Variants in LYPLAL1 observed in about 807,000 individuals in gnomAD.
The protein encoded by LYPLAL1 is lysophospholipase-like protein 1.
A neutral mutation model predicts 19.7 loss-of-function variants in LYPLAL1; 23 were observed. That is an observed-to-expected ratio of 1.17 (90% CI 0.84 to 1.65). LYPLAL1 has a LOEUF of 1.65. LYPLAL1 is among the 40% of genes most tolerant of loss of function. The pLI, the probability that LYPLAL1 is intolerant of heterozygous loss-of-function variation, is 0.00. For synonymous variants in LYPLAL1, 119 were observed against 96.3 expected, an observed-to-expected ratio of 1.24 and a Z score of -1.38; for missense variants, 355 against 279.4, an observed-to-expected ratio of 1.27 and a Z score of -1.93.
At chr1:219,283,378 G>A in the LYPLAL1 span, among the ~76,000 whole-genome samples, 2 of 152,196 alleles carry the variant, frequency 1.3e-5, no homozygotes, top group Non-Finnish European at 2.9e-5. Flanking sequence ...TATCGATGAA[G>A]AAATAGCAGT....
the LYPLAL1 span, among the ~76,000 whole-genome samples, chr1:219,402,611 A>C: frequency 6.6e-6 from 1 of 151,540 alleles, no homozygotes; most frequent in Non-Finnish European, 1.5e-5. Flanking sequence ...TTACTTGCTA[A>C]AATACCACTA....
chr1:219,313,404 C>T, the LYPLAL1 span, among the ~76,000 whole-genome samples: 1 of 152,198 alleles, frequency 6.6e-6, no homozygotes, highest in South Asian at 2.1e-4. Flanking sequence ...ACTCACAAGA[C>T]AGCTGCTCCT....
chr1:219,395,780 G>A, the LYPLAL1 span, among the ~76,000 whole-genome samples: 1 of 152,088 alleles, frequency 6.6e-6, no homozygotes, highest in Non-Finnish European at 1.5e-5. Context: ...GATCCATCTT[G>A]AGTTGATTTT....
chr1:219,304,694 C>G, the LYPLAL1 span, among the ~76,000 whole-genome samples: 1 of 152,148 alleles, frequency 6.6e-6, no homozygotes, highest in Non-Finnish European at 1.5e-5. Flanking sequence ...AGGCAGAAGT[C>G]CAAGGAGTGA....
At chr1:219,187,690 A>T (rs973104757) in intron 2 of LYPLAL1, among the ~76,000 whole-genome samples, 3 of 151,694 alleles carry the variant, frequency 2.0e-5, no homozygotes, top group Non-Finnish European at 4.4e-5. Flanking sequence ...TTTTCAGTAA[A>T]TATGTATTCT....
At chr1:219,185,564 A>G (rs1287805684) in intron 2 of LYPLAL1, among the ~76,000 whole-genome samples, 1 of 151,908 alleles carries the variant, frequency 6.6e-6, no homozygotes, top group Non-Finnish European at 1.5e-5. Context: ...CCCAAATAAT[A>G]ATAGTTTTGT....
chr1:219,225,629 C>T, the LYPLAL1 span: 1 of 152,256 alleles, frequency 6.6e-6, no homozygotes, highest in Non-Finnish European at 1.5e-5. Context: ...CTGGTTTCTC[C>T]TCTCTTCCAC....
chr1:219,410,560 A>G, the LYPLAL1 span, among the ~76,000 whole-genome samples: 1 of 152,200 alleles, frequency 6.6e-6, no homozygotes, highest in Non-Finnish European at 1.5e-5. Context: ...GCATTTGAGG[A>G]GCCCTTCAGT....
the LYPLAL1 span, among the ~76,000 whole-genome samples, chr1:219,312,385 T>C: frequency 6.6e-6 from 1 of 152,164 alleles, no homozygotes; most frequent in East Asian, 1.9e-4. Context: ...TGTGCCTCCT[T>C]TCCTCCTCTC....
chr1:219,429,632 G>A, the LYPLAL1 span, among the ~76,000 whole-genome samples: 1 of 152,238 alleles, frequency 6.6e-6, no homozygotes, highest in African/African-American at 2.4e-5. Context: ...AGTCCAGCCT[G>A]GGTGGCAGAG....
At chr1:219,412,150 G>A in the LYPLAL1 span, among the ~76,000 whole-genome samples, 2,881 of 152,140 alleles carry the variant, frequency 0.019, 67 homozygotes, top group Non-Finnish European at 0.021. Flanking sequence ...CTGGGCTCAA[G>A]GGATCCTCTT....
At chr1:219,347,864 A>T in the LYPLAL1 span, among the ~76,000 whole-genome samples, 1 of 147,934 alleles carries the variant, frequency 6.8e-6, no homozygotes, top group African/African-American at 2.6e-5. Context: ...GATGCACAGA[A>T]AAAAAAAAAA....
chr1:219,263,211 A>G, the LYPLAL1 span, among the ~76,000 whole-genome samples: 1 of 151,868 alleles, frequency 6.6e-6, no homozygotes, highest in Admixed American at 6.6e-5. Flanking sequence ...AGGCCAATGG[A>G]GTTATGTTTC....
the LYPLAL1 span, chr1:219,273,381 A>G: frequency 1.3e-5 from 2 of 152,232 alleles, no homozygotes; most frequent in Admixed American, 1.3e-4. Flanking sequence ...TTCATTCATA[A>G]TCAGAACCCT....
intron 4 of LYPLAL1, among the ~76,000 whole-genome samples, 154 bp downstream of exon 4, chr1:219,210,801 G>A (rs564952945): frequency 2.6e-5 from 4 of 152,220 alleles, no homozygotes; most frequent in African/African-American, 7.2e-5. Flanking sequence ...CAAATGAGTC[G>A]TAGTGATTAA....
chr1:219,406,234 C>T, the LYPLAL1 span, among the ~76,000 whole-genome samples: 2 of 152,302 alleles, frequency 1.3e-5, no homozygotes, highest in African/African-American at 4.8e-5. Context: ...GATTTTAATT[C>T]GCTAAATTTA....
At chr1:219,222,119 G>A in the LYPLAL1 span, 1 of 152,128 alleles carries the variant, frequency 6.6e-6, no homozygotes, top group Non-Finnish European at 1.5e-5. Flanking sequence ...CCTCTTGGGA[G>A]CAGGGAGATG....
the LYPLAL1 span, among the ~76,000 whole-genome samples, chr1:219,319,601 A>G: frequency 6.6e-6 from 1 of 152,140 alleles, no homozygotes; most frequent in Non-Finnish European, 1.5e-5. Flanking sequence ...TATGGGCAGA[A>G]ACCACCTGCC....
the LYPLAL1 span, among the ~76,000 whole-genome samples, chr1:219,220,632 A>G: frequency 6.6e-6 from 1 of 152,276 alleles, no homozygotes; most frequent in Admixed American, 6.5e-5. Flanking sequence ...CATGTGAACC[A>G]GAAGAAAGTG....
Sources: gnomAD v4.1 joint callset for allele counts (sites outside exome capture counted in the v4.1 genomes callset) on GRCh38, gnomAD v4.1.1 for gene constraint, MANE v1.5 for transcripts, NCBI Gene and HGNC (gene_info 2026-07-23, HGNC 2026-07-21) for gene names.